Variants in ACADL observed in about 807,000 individuals in gnomAD.
ACADL encodes the protein acyl-CoA dehydrogenase long chain.
A neutral mutation model predicts 56.9 loss-of-function variants in ACADL; 60 were observed. The ratio of observed to expected loss-of-function variants is 1.05; its 90% CI spans 0.86 to 1.31. The LOEUF (loss-of-function observed/expected upper bound fraction) is 1.31, where lower values mean the gene tolerates loss of function less well. Among genes scored for constraint, ACADL ranks in the 50% most tolerant of loss-of-function variants. The pLI, the probability that ACADL is intolerant of heterozygous loss-of-function variation, is 0.00. For missense variants in ACADL, 484 were observed against 525.5 expected (o/e 0.92, Z 0.77); for synonymous variants, 158 against 179.7 (o/e 0.88, Z 0.97).
intron 8 of ACADL, among the ~76,000 whole-genome samples, chr2:210,199,016 C>T (rs557439367): frequency 2.6e-5 from 4 of 151,956 alleles, no homozygotes; most frequent in Admixed American, 2.6e-4. Context: ...CCAAAATGTC[C>T]AAAATTCAAG....
Position 210,188,744 on chromosome 2 carries a change from A to G in ACADL, c.*217T>C, listed in dbSNP as rs1688585249. 2.1e-6 allele frequency: 1 copy of G among 471,414 alleles called. No homozygotes were observed. The allele number at this position is 471,414 out of a possible 1,614,324, so 29.2% of individuals were successfully genotyped here. ...ACCGTTTACCTTTGGCTACATAAAA[A>G]ACTGTAAGTTAAACCTTATATTGGA... On this transcript the variant is annotated 3_prime_UTR_variant, in exon 11 of 11. Coordinates refer to ENST00000233710, the MANE Select transcript of ACADL (RefSeq NM_001608.4).
Position 210,225,292 on chromosome 2 carries a change from G to A in ACADL, c.-29C>T, listed in dbSNP as rs998545589. ...CGAAACACAGGGGCGGCGGGGCGACGGAGGCGACTCTGCGGCTACTCGGCG... is the reference window on the plus strand; with the variant it reads ...CGAAACACAGGGGCGGCGGGGCGACAGAGGCGACTCTGCGGCTACTCGGCG... On this transcript the variant is annotated 5_prime_UTR_variant, in exon 1 of 11. Transcript: ENST00000233710. 3 of 1,542,204 alleles carry A rather than the reference G, an allele frequency of 1.9e-6. No homozygotes were observed. The highest frequency in any genetic ancestry group is 2.6e-6 in the Non-Finnish European group (3 of 1,149,612).
At chr2:210,200,498 G>T (rs551541181) in intron 8 of ACADL, among the ~76,000 whole-genome samples, 1 of 152,220 alleles carries the variant, frequency 6.6e-6, no homozygotes, top group South Asian at 2.1e-4. Flanking sequence ...CATTCACTGA[G>T]AACCTCTGAT....
At chr2:210,191,019 C>T (rs1263964044) in intron 10 of ACADL, among the ~76,000 whole-genome samples, 1 of 151,130 alleles carries the variant, frequency 6.6e-6, no homozygotes, top group Admixed American at 6.6e-5. Flanking sequence ...CGGGTTAGAG[C>T]GATTCTCATG....
Position 210,188,686 on chromosome 2 carries a change from A to G in ACADL, c.*275T>C, listed in dbSNP as rs1688584481. 6.3e-6 allele frequency: 2 copies of G among 316,996 alleles called. No individual in the cohort carries two copies. Among genetic ancestry groups the G allele is most frequent in the South Asian group, 8.3e-5 (2 of 24,024 alleles). 19.6% of individuals were successfully genotyped at this position (316,996 alleles called of 1,614,324 possible). On this transcript the variant is annotated 3_prime_UTR_variant, in exon 11 of 11. Coordinates refer to ENST00000233710, the MANE Select transcript of ACADL (RefSeq NM_001608.4). ...TGATTTATGCTTTTTAGAATTTTAG[A>G]GATAAATGAAACACCTAGGCAAGAT... is the stretch of plus-strand genomic sequence containing the variant.
At chr2:210,201,765 T>C (rs1688796763) in intron 8 of ACADL, among the ~76,000 whole-genome samples, 1 of 152,172 alleles carries the variant, frequency 6.6e-6, no homozygotes, top group South Asian at 2.1e-4. Context: ...AAACTATTCC[T>C]TCATTTAAAA....
At chr2:210,195,029 T>G (rs917960053) in intron 9 of ACADL, among the ~76,000 whole-genome samples, 182 bp downstream of exon 9, 3 of 152,244 alleles carry the variant, frequency 2.0e-5, no homozygotes, top group Non-Finnish European at 4.4e-5. Context: ...TTGAAACATT[T>G]TTAGCACATT....
intron 10 of ACADL, among the ~76,000 whole-genome samples, chr2:210,190,448 A>G (rs1040202031): frequency 7.2e-5 from 11 of 152,148 alleles, no homozygotes; most frequent in African/African-American, 1.9e-4. Flanking sequence ...AGAAGTTCCA[A>G]TGGAGTAAAG....
At chr2:210,215,255 T>C (rs1289367872) in intron 4 of ACADL, among the ~76,000 whole-genome samples, 2 of 152,308 alleles carry the variant, frequency 1.3e-5, no homozygotes, top group East Asian at 1.9e-4. Flanking sequence ...CTTTGTGTTC[T>C]CTGCCTCTGT....
chr2:210,192,748 A>T, intron 10 of ACADL, 56 bp downstream of exon 10: 1 of 1,357,060 alleles, frequency 7.4e-7, no homozygotes, highest in East Asian at 2.3e-5. Context: ...CAAAGTAAAG[A>T]AATTTTCCTT....
Position 210,225,274 on chromosome 2 carries a change from CAG to C in ACADL, c.-13_-12del, listed in dbSNP as rs1482571280. On this transcript the variant is annotated 5_prime_UTR_variant, in exon 1 of 11. Transcript: ENST00000233710. ...AAGGCGTGCGGCCATGTCCGAAACA[CAG>C]GGGCGGCGGGGCGACGGAGGCGACT... 3.2e-6 allele frequency: 5 copies of C among 1,552,606 alleles called. No homozygotes were observed. The highest frequency in any genetic ancestry group is 4.3e-6 in the Non-Finnish European group (5 of 1,155,066).
At position 210,218,094 on chromosome 2, in the gene ACADL, T is replaced by C; in HGVS notation, c.242A>G (p.Lys81Arg). Reference protein sequence around the residue: ...EVIPHHSEWEKAGEVSREVWE... With the variant: ...EVIPHHSEWERAGEVSREVWE... ...AACCTCCCTACTTACTTCTCCAGCT[T>C]TCTCCCATCTGCAAATAACAAATAT... is the stretch of plus-strand genomic sequence containing the variant. Residue 81 changes from lysine to arginine, a missense_variant, in exon 3 of 11, where the codon AAA becomes AGA. Transcript: ENST00000233710. 1 of 1,613,718 alleles carries C rather than the reference T, an allele frequency of 6.2e-7. No homozygotes were observed. Among genetic ancestry groups the C allele is most frequent in the Non-Finnish European group, 8.5e-7 (1 of 1,179,800 alleles).
intron 8 of ACADL, among the ~76,000 whole-genome samples, chr2:210,199,867 C>A (rs577293653): frequency 7.3e-4 from 111 of 152,198 alleles, no homozygotes; most frequent in African/African-American, 2.6e-3. Context: ...ACCTTAGCCT[C>A]TTGAGTAGCT....
chr2:210,220,839 A>G (rs1384895057), intron 1 of ACADL, 37 bp from the exon 2 acceptor site: 3 of 1,492,516 alleles, frequency 2.0e-6, no homozygotes, highest in South Asian at 2.4e-5. Flanking sequence ...AAAGTAAGTG[A>G]ATTGTTACTC....
chr2:210,210,546 C>T (rs1215832095), intron 4 of ACADL, among the ~76,000 whole-genome samples: 2 of 152,198 alleles, frequency 1.3e-5, no homozygotes, highest in East Asian at 3.8e-4. Flanking sequence ...CCCAGTGGGA[C>T]TCACATAACA....
intron 2 of ACADL, among the ~76,000 whole-genome samples, chr2:210,220,339 A>G (rs2125718636): frequency 6.6e-6 from 1 of 152,300 alleles, no homozygotes; most frequent in African/African-American, 2.4e-5. Context: ...TTAATTCATG[A>G]AGCAGAAAAA....
chr2:210,189,583 A>G (rs2125707255), intron 10 of ACADL, among the ~76,000 whole-genome samples: 1 of 152,146 alleles, frequency 6.6e-6, no homozygotes. Flanking sequence ...TGTTTTTTGG[A>G]AATGGTTAAT....
intron 8 of ACADL, among the ~76,000 whole-genome samples, chr2:210,202,879 A>G (rs263678): frequency 0.59 from 88,879 of 151,752 alleles, 26,171 homozygotes; most frequent in Middle Eastern, 0.73. Flanking sequence ...GTCACCCTCC[A>G]CCTCCATTAA....
intron 5 of ACADL, among the ~76,000 whole-genome samples, chr2:210,208,288 T>C (rs892612124): frequency 6.6e-6 from 1 of 152,182 alleles, no homozygotes; most frequent in Non-Finnish European, 1.5e-5. Flanking sequence ...TGAGCTCAAT[T>C]TGGTAAATCA....
Sources: allele counts gnomAD v4.1 joint callset (sites outside exome capture counted in the v4.1 genomes callset), GRCh38; gene constraint gnomAD v4.1.1; transcripts MANE v1.5; gene names NCBI Gene and HGNC (gene_info 2026-07-23, HGNC 2026-07-21).